SENP3: variants seen among roughly 807,000 people sequenced by gnomAD.
SENP3 encodes SUMO specific peptidase 3.
In SENP3, 11 loss-of-function variants were observed where a neutral mutation model predicts 66.2. The observed-to-expected ratio is 0.17, with a 90% confidence interval of 0.10 to 0.28. SENP3 has a LOEUF of 0.28. Among genes scored for constraint, SENP3 ranks in the 10% least tolerant of loss-of-function variants. The pLI is 1.00. For synonymous variants in SENP3, 292 were observed against 277.6 expected, an observed-to-expected ratio of 1.05 and a Z score of -0.52; for missense variants, 548 against 743.7, an observed-to-expected ratio of 0.74 and a Z score of 3.06.
chr17:7,563,911 T>A (rs1235347133), intron 2 of SENP3, 120 bp downstream of exon 2: 2 of 859,902 alleles, frequency 2.3e-6, no homozygotes. Context: ...GATGGAAGAG[T>A]GCCGGCTCCA....
In SENP3 at chr17:7,571,505, G is replaced by T; in HGVS notation, c.*22G>T. 6.4e-7 allele frequency: 1 copy of T among 1,571,146 alleles called. No homozygotes were observed. The highest frequency in any genetic ancestry group is 8.8e-7 in the Non-Finnish European group (1 of 1,141,930). The stretch of plus-strand genomic sequence containing the variant: ...GTGAGCCTCGTACCCCAGACCCCAA[G>T]CCCATAAATGGGAAGGGAGACATGG... On this transcript the variant is annotated 3_prime_UTR_variant, in exon 11 of 11. Transcript: ENST00000321337.
At chr17:7,568,858 A>C (rs1417784098) in intron 7 of SENP3, among the ~76,000 whole-genome samples, 1 of 152,174 alleles carries the variant, frequency 6.6e-6, no homozygotes, top group Non-Finnish European at 1.5e-5. Context: ...AGATAAAACA[A>C]CCTGGGGCTT....
At chr17:7,565,785 C>T in intron 6 of SENP3, 21 bp downstream of exon 6, 4 of 1,611,888 alleles carry the variant, frequency 2.5e-6, no homozygotes, top group Non-Finnish European at 3.4e-6. Context: ...CCAGATAGGT[C>T]AGTACCCAGA....
intron 5 of SENP3, 47 bp from the exon 6 acceptor site, chr17:7,565,670 C>T (rs771292206): frequency 9.9e-6 from 16 of 1,613,012 alleles, no homozygotes; most frequent in African/African-American, 9.3e-5. Context: ...GAGCCCTGTA[C>T]CCATGCCGCA....
Position 7,571,262 on chromosome 17 carries a change from C to T in SENP3, c.1615-111C>T. On this transcript the variant is annotated intron_variant, in intron 10 of 10. Coordinates refer to ENST00000321337, the MANE Select transcript of SENP3 (RefSeq NM_015670.6). ...TTTTTGAACCCCAGGCTGTGGGACCCTGGCTCCCTTTGGGGATGTTCTCTG... is the reference window on the plus strand; with the variant it reads ...TTTTTGAACCCCAGGCTGTGGGACCTTGGCTCCCTTTGGGGATGTTCTCTG... 3.8e-6 allele frequency: 3 copies of T among 793,904 alleles called. No individual in the cohort carries two copies. In the South Asian group the frequency reaches 5.1e-5, roughly 14 times the overall value. The allele number at this position is 793,904 out of a possible 1,614,324, so 49.2% of individuals were successfully genotyped here. A position where few individuals can be genotyped will look rare whatever the true frequency, so the allele number is the denominator to read the frequency against.
rs375482684 is a variant in SENP3, at chr17:7,563,214, A to G, written c.138A>G (p.Gly46=). The change falls in exon 2 of 11, where the codon GGA becomes GGG. Residue 46 remains glycine (G), a synonymous_variant. Coordinates refer to ENST00000321337, the MANE Select transcript of SENP3 (RefSeq NM_015670.6). ...PPPKPRLKSG[G]GFGPDPGSGT... ...CCAAACCCCGACTCAAGTCAGGTGG[A>G]GGGTTTGGGCCAGATCCTGGGTCAG... 7 of 1,570,828 alleles carry G rather than the reference A, an allele frequency of 4.5e-6. No individual in the cohort carries two copies. In the African/African-American group the frequency reaches 9.5e-5, roughly 21 times the overall value.
At chr17:7,568,027 A>G (rs1046405840) in intron 7 of SENP3, among the ~76,000 whole-genome samples, 3 of 150,982 alleles carry the variant, frequency 2.0e-5, no homozygotes, top group African/African-American at 7.3e-5. Flanking sequence ...AACCAGTAGG[A>G]CTGACAGGCT....
In SENP3 at chr17:7,571,470, A is replaced by C. The variant is rs1031039190; in HGVS notation, c.1712A>C (p.Lys571Thr). 1.9e-6 allele frequency: 3 copies of C among 1,613,360 alleles called. No homozygotes were observed. The highest frequency in any genetic ancestry group is 1.7e-6 in the Non-Finnish European group (2 of 1,179,522). The stretch of plus-strand genomic sequence containing the variant: ...ATCTACAAGGAGCTGTGTCACTGCA[A>C]ACTCACTGTGTGAGCCTCGTACCCC... ...RQIYKELCHCKLTV is the reference protein window; with the variant it reads ...RQIYKELCHCTLTV The change falls in exon 11 of 11, where the codon AAA (lysine) becomes ACA (threonine). Residue 571 changes from lysine to threonine, a missense_variant. Physicochemically the swap from Lys to Thr is moderately conservative, Grantham distance 78. Around this residue, in one of 6 missense-constraint regions of SENP3, gnomAD observed 81 missense variants for 139.8 expected, o/e 0.58. Transcript: ENST00000321337.
In SENP3 at chr17:7,570,316, TTC is replaced by T; in HGVS notation, c.1342-38_1342-37del. ...GAACCTTCATGGCAAAAGGCAAGACTTCTGTTTGTTGTACCTGACCTGTGGCA... is the reference window on the plus strand; with the variant it reads ...GAACCTTCATGGCAAAAGGCAAGACTTGTTTGTTGTACCTGACCTGTGGCA... On this transcript the variant is annotated intron_variant, in intron 7 of 10. Coordinates refer to ENST00000321337, the MANE Select transcript of SENP3 (RefSeq NM_015670.6). The surrounding 1 kb of genome is among the most constrained non-coding windows in gnomAD (Gnocchi z 5.4). 6.3e-7 allele frequency: 1 copy of T among 1,597,970 alleles called. No homozygotes were observed. The highest frequency in any genetic ancestry group is 8.6e-7 in the Non-Finnish European group (1 of 1,167,232).
intron 2 of SENP3, 24 bp downstream of exon 2, chr17:7,563,815 GTTGC>G: frequency 5.3e-6 from 6 of 1,129,390 alleles, no homozygotes; most frequent in African/African-American, 1.5e-5. Context: ...GGGGTGTGGG[GTTGC>G]GGGGGAGGGG....
Position 7,570,545 on chromosome 17 carries a change from A to C in SENP3, c.1479+52A>C. On this transcript the variant is annotated intron_variant, in intron 8 of 10. Transcript: ENST00000321337. The surrounding 1 kb of genome is among the most constrained non-coding windows in gnomAD (Gnocchi z 5.4). ...CAAAATGTGGGGCGGTGCAGTGGCA[A>C]GGCATTGCAGGAAGAAGGGTGGGCT... The C allele has an allele frequency of 6.3e-7, 1 of 1,588,604 alleles. No individual in the cohort carries two copies. The highest frequency in any genetic ancestry group is 8.6e-7 in the Non-Finnish European group (1 of 1,165,620).
In SENP3 at chr17:7,563,811, TG is replaced by T; in HGVS notation, c.715+24del. ...ACTCGGGTAAGGTGGGAAAGGGGTG[TG>T]GGGTTGCGGGGGAGGGGTTAGGGAG... On this transcript the variant is annotated intron_variant, in intron 2 of 10. Coordinates refer to ENST00000321337, the MANE Select transcript of SENP3 (RefSeq NM_015670.6). 1.0e-6 allele frequency: 1 copy of T among 970,792 alleles called. No homozygotes were observed. The highest frequency in any genetic ancestry group is 1.5e-6 in the Non-Finnish European group (1 of 663,424). 60.1% of individuals were successfully genotyped at this position (970,792 alleles called of 1,614,324 possible).
In SENP3 at chr17:7,570,958, C is replaced by T. The variant is rs774583020; in HGVS notation, c.1614+25C>T. On this transcript the variant is annotated intron_variant, in intron 10 of 10. Transcript: ENST00000321337. The surrounding 1 kb of genome is among the most constrained non-coding windows in gnomAD (Gnocchi z 5.4). Reference sequence around the variant, plus strand: ...GGTAAGCAGATGATGGGGCCACCTCCCCTAGCTCTGAAGTCAGTTGGGTTA... The same window carrying T: ...GGTAAGCAGATGATGGGGCCACCTCTCCTAGCTCTGAAGTCAGTTGGGTTA... 2 of 1,608,438 alleles carry T rather than the reference C, an allele frequency of 1.2e-6. No individual in the cohort carries two copies. The highest frequency in any genetic ancestry group is 1.7e-5 in the Admixed American group (1 of 59,380).
chr17:7,571,432 A>AGC lies in SENP3; in HGVS notation c.1674_1675insGC (p.Leu559AlafsTer126). 4.4e-6 allele frequency: 7 copies of AGC among 1,601,572 alleles called. No individual in the cohort carries two copies. The highest frequency in any genetic ancestry group is 3.4e-5 in the Admixed American group (2 of 58,638). ...GCTTCACCCAGCAGGACATGCCCAAACTTCGTCGGCAGATCTACAAGGAGC... is the reference window on the plus strand; with the variant it reads ...GCTTCACCCAGCAGGACATGCCCAAAGCCTTCGTCGGCAGATCTACAAGGAGC... On this transcript the variant is annotated frameshift_variant, in exon 11 of 11. Coordinates refer to ENST00000321337, the MANE Select transcript of SENP3 (RefSeq NM_015670.6). LOFTEE classifies it high-confidence loss of function.
chr17:7,568,864 G>A (rs1233508549), intron 7 of SENP3, among the ~76,000 whole-genome samples: 2 of 152,182 alleles, frequency 1.3e-5, no homozygotes, highest in Non-Finnish European at 2.9e-5. Flanking sequence ...AACAACCTGG[G>A]GCTTAGGACT....
rs573529063 is a variant in SENP3 at position 7,561,957 on chromosome 17, C to T, written c.-318C>T. 2.3e-5 allele frequency: 9 copies of T among 392,166 alleles called. No homozygotes were observed. The South Asian group carries it at 4.9e-4, about 21-fold the overall frequency. 24.3% of individuals were successfully genotyped at this position (392,166 alleles called of 1,614,324 possible). ...CGTGCGCCACCGCTGCCGGTGGGCC[C>T]GGGGCTCGCGGGAGGGGAAGGAGGA... On this transcript the variant is annotated 5_prime_UTR_variant, in exon 1 of 11. Transcript: ENST00000321337. The surrounding 1 kb of genome is among the most constrained non-coding windows in gnomAD (Gnocchi z 4.4).
In SENP3 at chr17:7,563,723, C is replaced by A; in HGVS notation, c.647C>A (p.Pro216His). The A allele has an allele frequency of 3.1e-6, 5 of 1,612,986 alleles. No homozygotes were observed. The highest frequency in any genetic ancestry group is 4.2e-6 in the Non-Finnish European group (5 of 1,179,848). Residue 216 changes from proline to histidine, a missense_variant, in exon 2 of 11, where the codon CCC becomes CAC. Coordinates refer to ENST00000321337, the MANE Select transcript of SENP3 (RefSeq NM_015670.6). ...GGGGTGAGAGGGTCTCCACCAGTGCCCTCTGGGCCCCCCATGGAGGAAGAT... is the reference window on the plus strand; with the variant it reads ...GGGGTGAGAGGGTCTCCACCAGTGCACTCTGGGCCCCCCATGGAGGAAGAT... ...EDGVRGSPPVPSGPPMEEDGL... is the reference protein window; with the variant it reads ...EDGVRGSPPVHSGPPMEEDGL...
At chr17:7,564,378 G>A in intron 2 of SENP3, 1 of 667,996 alleles carries the variant, frequency 1.5e-6, no homozygotes, top group Non-Finnish European at 2.7e-6. Flanking sequence ...ATTTCTAAAT[G>A]CTAATCCTTT....
chr17:7,568,701 C>T (rs997018180), intron 7 of SENP3, among the ~76,000 whole-genome samples: 2 of 152,122 alleles, frequency 1.3e-5, no homozygotes, highest in Non-Finnish European at 2.9e-5. Context: ...TTTCCCTGTG[C>T]ATCTTTTCAT....
Sources: allele counts gnomAD v4.1 joint callset (sites outside exome capture counted in the v4.1 genomes callset), GRCh38; gene constraint gnomAD v4.1.1; regional missense constraint gnomAD v4.1.1; non-coding constraint Gnocchi (gnomAD v3.1); transcripts MANE v1.5; gene names NCBI Gene and HGNC (gene_info 2026-07-23, HGNC 2026-07-21).